RIMS1: variants seen among roughly 807,000 people sequenced by gnomAD.
RIMS1 encodes regulating synaptic membrane exocytosis 1.
In RIMS1, 83 loss-of-function variants were observed where a neutral mutation model predicts 214.1. The ratio of observed to expected loss-of-function variants is 0.39; its 90% CI spans 0.32 to 0.47. The LOEUF is 0.47. Among genes scored for constraint, RIMS1 ranks in the 20% least tolerant of loss-of-function variants. The probability of loss-of-function intolerance (pLI) is 0.99; values close to 1 mark genes in which losing one functional copy is unlikely to be tolerated. For missense variants in RIMS1, 2,050 were observed against 2,161.8 expected (o/e 0.95, Z 1.03); for synonymous variants, 793 against 786.8 (o/e 1.01, Z -0.13).
chr6:72,088,217 C>CCTTATTTA (rs1835175970), intron 2 of RIMS1, among the ~76,000 whole-genome samples: 1 of 142,804 alleles, frequency 7.0e-6, no homozygotes, highest in African/African-American at 2.6e-5. Flanking sequence ...TATTTATTTA[C>CCTTATTTA]TTTATTTATT....
intron 2 of RIMS1, among the ~76,000 whole-genome samples, chr6:72,083,112 TAAG>T (rs948771737): frequency 7.2e-5 from 11 of 152,250 alleles, no homozygotes; most frequent in African/African-American, 2.4e-4. Context: ...AACTCACTAA[TAAG>T]AAGGATACAT....
intron 2 of RIMS1, among the ~76,000 whole-genome samples, chr6:71,977,215 G>A (rs1328510559): frequency 2.0e-5 from 3 of 152,114 alleles, no homozygotes; most frequent in Non-Finnish European, 4.4e-5. Flanking sequence ...TCTGTTTTGG[G>A]AGCTCTTGCA....
chr6:71,944,729 G>A (rs1936019), intron 1 of RIMS1, among the ~76,000 whole-genome samples: 38,754 of 151,994 alleles, frequency 0.25, 5,264 homozygotes, highest in East Asian at 0.44. Flanking sequence ...ACTTTATCTC[G>A]TGATCTACAT....
chr6:72,242,147 G>A (rs1473258934), intron 9 of RIMS1, among the ~76,000 whole-genome samples, 167 bp from the exon 10 acceptor site: 1 of 151,960 alleles, frequency 6.6e-6, no homozygotes, highest in African/African-American at 2.4e-5. Context: ...GTGTTTAGAA[G>A]AACCATTTAG....
At chr6:72,261,937 G>T in intron 19 of RIMS1, 1 of 984,372 alleles carries the variant, frequency 1.0e-6, no homozygotes, top group Non-Finnish European at 1.2e-6. Context: ...GAACTATCCA[G>T]GTTTATTATT....
intron 6 of RIMS1, among the ~76,000 whole-genome samples, chr6:72,216,210 A>G (rs999185942): frequency 6.6e-6 from 1 of 152,230 alleles, no homozygotes; most frequent in Non-Finnish European, 1.5e-5. Flanking sequence ...TGGGTGGATG[A>G]AGTAAAATGT....
chr6:72,399,552 G>C (rs983652380), intron 33 of RIMS1, among the ~76,000 whole-genome samples: 1 of 152,154 alleles, frequency 6.6e-6, no homozygotes, highest in Non-Finnish European at 1.5e-5. Context: ...GAAAAGAGAA[G>C]TGTGCAGACA....
At chr6:71,922,979 T>C (rs1780473821) in intron 1 of RIMS1, among the ~76,000 whole-genome samples, 1 of 152,142 alleles carries the variant, frequency 6.6e-6, no homozygotes, top group African/African-American at 2.4e-5. Flanking sequence ...TAAAAAAAAT[T>C]AGTGTTTAAT....
At chr6:72,254,540 G>A (rs2074964105) in intron 16 of RIMS1, among the ~76,000 whole-genome samples, 1 of 152,134 alleles carries the variant, frequency 6.6e-6, no homozygotes, top group Admixed American at 6.6e-5. Context: ...CAGCCTTAAT[G>A]TTGTCATTAC....
At chr6:72,054,086 C>T (rs1048093639) in intron 2 of RIMS1, among the ~76,000 whole-genome samples, 6 of 151,854 alleles carry the variant, frequency 4.0e-5, no homozygotes, top group African/African-American at 9.7e-5. Context: ...TGCCCACCAC[C>T]CCCCAAACTG....
rs186446100 is a variant in RIMS1, at chr6:72,355,521, G to A, written c.4366+21686G>A. Among the ~76,000 whole-genome samples, 264 of 152,124 alleles carry A rather than the reference G, an allele frequency of 1.7e-3. 4 individuals are homozygous for A. The highest frequency in any genetic ancestry group is 0.015 in the Admixed American group (227 of 15,262). On this transcript the variant is annotated intron_variant, in intron 29 of 33. Coordinates refer to ENST00000521978, the MANE Select transcript of RIMS1 (RefSeq NM_014989.7). ...CCTTTTTTCCTTATATCCAAAAGGC[G>A]AATTGTGTTATTATTCCTCTTTTGT...
chr6:72,143,237 T>C (rs2042294358), intron 4 of RIMS1, among the ~76,000 whole-genome samples: 1 of 152,230 alleles, frequency 6.6e-6, no homozygotes, highest in Non-Finnish European at 1.5e-5. Context: ...TTTAAATATA[T>C]ACGTAGTTGT....
At chr6:72,373,080 A>G (rs140244057) in intron 29 of RIMS1, among the ~76,000 whole-genome samples, 69 of 152,368 alleles carry the variant, frequency 4.5e-4, no homozygotes, top group African/African-American at 1.6e-3. Context: ...AAGTAACCAC[A>G]GGCTAAGGGT....
intron 6 of RIMS1, among the ~76,000 whole-genome samples, chr6:72,196,231 T>C (rs950164456): frequency 2.0e-5 from 3 of 152,158 alleles, no homozygotes; most frequent in Non-Finnish European, 4.4e-5. Flanking sequence ...ATTTGGCTAT[T>C]ATTTATTCAT....
Position 72,124,460 on chromosome 6 carries a change from G to T in RIMS1, c.471+24474G>T, listed in dbSNP as rs186359985. 3.2e-3 allele frequency among the ~76,000 whole-genome samples: 479 copies of T among 151,806 alleles called. 9 individuals carry two copies. The highest frequency in any genetic ancestry group is 6.8e-3 in the Middle Eastern group (2 of 294). On this transcript the variant is annotated intron_variant, in intron 4 of 33. Coordinates refer to ENST00000521978, the MANE Select transcript of RIMS1 (RefSeq NM_014989.7). ...CTGACAATTATGTGTGTGTCTTGGG[G>T]TTGCTCTTCTCAAAGAGTATCTTTG...
At chr6:71,991,333 T>G (rs896216291) in intron 2 of RIMS1, among the ~76,000 whole-genome samples, 8 of 152,356 alleles carry the variant, frequency 5.3e-5, no homozygotes, top group African/African-American at 1.9e-4. Flanking sequence ...ACATGTCTTT[T>G]AAAAATGCCT....
intron 4 of RIMS1, among the ~76,000 whole-genome samples, chr6:72,111,294 C>T (rs1033582206): frequency 1.3e-5 from 2 of 152,060 alleles, no homozygotes; most frequent in African/African-American, 4.8e-5. Flanking sequence ...CATACTTTTT[C>T]TCATCATCTT....
intron 6 of RIMS1, among the ~76,000 whole-genome samples, chr6:72,194,540 A>G (rs1294501417): frequency 6.6e-6 from 1 of 152,176 alleles, no homozygotes; most frequent in Non-Finnish European, 1.5e-5. Flanking sequence ...TCTATTGAGA[A>G]AAATAAACAA....
At chr6:72,315,427 A>C (rs1354661057) in intron 28 of RIMS1, among the ~76,000 whole-genome samples, 3 of 152,208 alleles carry the variant, frequency 2.0e-5, no homozygotes, top group African/African-American at 7.2e-5. Context: ...ATTTTATGTA[A>C]GTGGATTATG....
Sources: allele counts gnomAD v4.1 joint callset (sites outside exome capture counted in the v4.1 genomes callset), GRCh38; gene constraint gnomAD v4.1.1; transcripts MANE v1.5; gene names NCBI Gene and HGNC (gene_info 2026-07-23, HGNC 2026-07-21).